Variants in SLC9A6 observed in about 807,000 individuals in gnomAD.
The protein encoded by SLC9A6 is solute carrier family 9 member A6.
In SLC9A6, 6 loss-of-function variants were observed where a neutral mutation model predicts 45.3. That is an observed-to-expected ratio of 0.13 (90% CI 0.07 to 0.26). The LOEUF is 0.26. Ranked by LOEUF, SLC9A6 falls within the 10% of genes least tolerant of loss-of-function variation. The probability of loss-of-function intolerance (pLI) is 1.00; values close to 1 mark genes in which losing one functional copy is unlikely to be tolerated. For synonymous variants in SLC9A6, 191 were observed against 187.7 expected (o/e 1.02, Z -0.14); for missense variants, 278 against 503.7 (o/e 0.55, Z 4.29).
intron 11 of SLC9A6, among the ~76,000 whole-genome samples, chrX:136,020,461 C>G (rs1377192288): frequency 9.0e-6 from 1 of 111,726 alleles, no homozygotes. Context: ...AGGCGATTTT[C>G]CTGTCTCATC....
intron 15 of SLC9A6, among the ~76,000 whole-genome samples, chrX:136,032,052 C>CTTATTTATTTATTTATTTATTTAT (rs782510667): frequency 8.9e-6 from 1 of 111,872 alleles, no homozygotes; most frequent in African/African-American, 3.3e-5. Context: ...TGCTTGCTTG[C>CTTATTTATTTATTTATTTATTTAT]TTATTTATTT....
chrX:135,991,422 T>C (rs1191454363), intron 2 of SLC9A6, among the ~76,000 whole-genome samples: 1 of 110,798 alleles, frequency 9.0e-6, no homozygotes, highest in Non-Finnish European at 1.9e-5. Flanking sequence ...CACGCCCGGC[T>C]AATTTTTGTA....
chrX:136,044,520 T>C lies in SLC9A6; in HGVS notation c.1836T>C (p.Tyr612=), dbSNP rs1556623190. The stretch of plus-strand genomic sequence containing the variant: ...ATGATGGTGACATCAGTTTGACATA[T>C]GGAGATTCTACTGTGAACACTGAAC... ...ILNDGDISLT[Y]GDSTVNTEPA... Residue 612 remains tyrosine (Y), a synonymous_variant, in exon 18 of 18, where the codon TAT becomes TAC. Transcript: ENST00000630721. 17 of 1,207,502 alleles carry C rather than the reference T, an allele frequency of 1.4e-5. No individual in the cohort carries two copies. Among genetic ancestry groups the C allele is most frequent in the Non-Finnish European group, 1.9e-5 (17 of 891,571 alleles).
At chrX:136,017,769 T>C (rs1037225921) in intron 11 of SLC9A6, among the ~76,000 whole-genome samples, 6 of 111,802 alleles carry the variant, frequency 5.4e-5, no homozygotes, top group Admixed American at 2.9e-4. Context: ...ACAGTTATTA[T>C]CTCACACAGT....
chrX:135,998,753 G>C, intron 5 of SLC9A6, 103 bp from the exon 6 acceptor site: 5 of 681,535 alleles, frequency 7.3e-6, no homozygotes, highest in Non-Finnish European at 9.5e-6. Context: ...ATTAAATTTG[G>C]GATTAGTCAC....
At chrX:136,039,891 G>A (rs781793836) in intron 16 of SLC9A6, among the ~76,000 whole-genome samples, 185 bp from the exon 17 acceptor site, 1 of 112,125 alleles carries the variant, frequency 8.9e-6, no homozygotes, top group East Asian at 2.8e-4. Flanking sequence ...TCTGTGAAGT[G>A]GAGATGATAA....
intron 16 of SLC9A6, among the ~76,000 whole-genome samples, chrX:136,035,715 A>C (rs186294330): frequency 9.0e-6 from 1 of 111,194 alleles, no homozygotes; most frequent in East Asian, 2.8e-4. Flanking sequence ...AGTGGAATTT[A>C]GGACAAGTAT....
chrX:136,021,059 G>T (rs1350905083), intron 11 of SLC9A6, among the ~76,000 whole-genome samples: 1 of 110,601 alleles, frequency 9.0e-6, no homozygotes, highest in East Asian at 2.8e-4. Context: ...CTTCTAGGCC[G>T]TCTCAGCTGA....
upstream of SLC9A6, chrX:135,973,968 G>A: frequency 1.9e-6 from 2 of 1,054,758 alleles, no homozygotes; most frequent in South Asian, 4.0e-5. Flanking sequence ...GCGAAAGCGG[G>A]AGCTACGGGG....
At chrX:136,035,299 C>T (rs376949127) in intron 16 of SLC9A6, among the ~76,000 whole-genome samples, 22 of 112,100 alleles carry the variant, frequency 2.0e-4, no homozygotes, top group African/African-American at 6.8e-4. Context: ...AACTGTGTGC[C>T]TCCCACCCAT....
intron 7 of SLC9A6, among the ~76,000 whole-genome samples, chrX:136,004,729 A>AT (rs1183294276): frequency 9.0e-6 from 1 of 111,599 alleles, no homozygotes; most frequent in Admixed American, 9.5e-5. Context: ...TTATTGCCAG[A>AT]TTTTTTTTGC....
At chrX:136,040,744 C>A (rs1556622476) in intron 17 of SLC9A6, among the ~76,000 whole-genome samples, 1 of 112,334 alleles carries the variant, frequency 8.9e-6, no homozygotes, top group African/African-American at 3.2e-5. Context: ...ATAAATATTG[C>A]TACTAAGAAA....
At chrX:136,005,450 G>A (rs1470232707) in intron 7 of SLC9A6, among the ~76,000 whole-genome samples, 1 of 112,446 alleles carries the variant, frequency 8.9e-6, no homozygotes, top group African/African-American at 3.2e-5. Context: ...GGAGGCCGAG[G>A]CGGGCGGATC....
intron 7 of SLC9A6, among the ~76,000 whole-genome samples, chrX:136,007,992 G>A (rs1556618181): frequency 9.0e-6 from 1 of 111,273 alleles, no homozygotes; most frequent in East Asian, 2.8e-4. Context: ...GAGACCTTTT[G>A]GAAGGCAGTG....
At chrX:136,012,714 G>A (rs1047969403) in intron 8 of SLC9A6, among the ~76,000 whole-genome samples, 1 of 112,363 alleles carries the variant, frequency 8.9e-6, no homozygotes, top group Non-Finnish European at 1.9e-5. Flanking sequence ...TGTGATACCC[G>A]TGAAACAATT....
rs995602417 is a variant in SLC9A6 at position 135,979,953 on chromosome X, A to T, written c.-57+5170A>T. Among the ~76,000 whole-genome samples, 4 of 110,644 alleles carry T rather than the reference A, an allele frequency of 3.6e-5. No individual in the cohort carries two copies. In the South Asian group the frequency reaches 1.2e-3, roughly 32 times the overall value. On this transcript the variant is annotated intron_variant, in intron 1 of 16. Transcript: ENST00000636092. ...GCTAATTTTTGTATTTTTAGTAGAT[A>T]TAGGGTTTCACCATGTTGCCCAGGC... is the stretch of plus-strand genomic sequence containing the variant.
intron 12 of SLC9A6, among the ~76,000 whole-genome samples, chrX:136,023,085 A>G (rs1485267604): frequency 1.0e-5 from 1 of 100,010 alleles, no homozygotes; most frequent in East Asian, 3.2e-4. Flanking sequence ...TGCTAGGATT[A>G]TAGGCATGAG....
rs781990712 is a variant in SLC9A6 at position 135,992,508 on chromosome X, C to T, written c.170-2278C>T. On this transcript the variant is annotated intron_variant, in intron 2 of 17. Transcript: ENST00000630721. Reference sequence around the variant, plus strand: ...ACAGATAAGATCTTTTATGATTCAACTCCTGCCAATCTTTCAAACCTCAAC... The same window carrying T: ...ACAGATAAGATCTTTTATGATTCAATTCCTGCCAATCTTTCAAACCTCAAC... 2.7e-5 allele frequency among the ~76,000 whole-genome samples: 3 copies of T among 112,165 alleles called. No individual in the cohort carries two copies. The South Asian group carries it at 1.1e-3, about 42-fold the overall frequency.
At chrX:136,018,506 T>C (rs2071064198) in intron 11 of SLC9A6, among the ~76,000 whole-genome samples, 1 of 111,968 alleles carries the variant, frequency 8.9e-6, no homozygotes, top group Admixed American at 9.5e-5. Context: ...ACATGACTGA[T>C]GCACTCTAAA....
Sources: gnomAD v4.1 joint callset for allele counts (sites outside exome capture counted in the v4.1 genomes callset) on GRCh38, gnomAD v4.1.1 for gene constraint, MANE v1.5 for transcripts, NCBI Gene and HGNC (gene_info 2026-07-23, HGNC 2026-07-21) for gene names.